Variants in DOCK1 observed in about 807,000 individuals in gnomAD.
DOCK1 encodes the protein dedicator of cytokinesis 1.
DOCK1 carries 138 observed loss-of-function variants against 262.7 expected under a neutral mutation model. That is an observed-to-expected ratio of 0.53 (90% CI 0.46 to 0.61). The LOEUF (loss-of-function observed/expected upper bound fraction) is 0.61. DOCK1 is among the 20% of genes least tolerant of loss of function. DOCK1 has a pLI of 0.00. For synonymous variants in DOCK1, 866 were observed against 867.4 expected (o/e 1.00, Z 0.03); for missense variants, 1,908 against 2,370.7 (o/e 0.80, Z 4.05).
intron 27 of DOCK1, among the ~76,000 whole-genome samples, chr10:127,147,276 C>T (rs546488913): frequency 6.6e-6 from 1 of 152,256 alleles, no homozygotes; most frequent in South Asian, 2.1e-4. Context: ...GGTTTCCCAT[C>T]CATCCTTGGG....
intron 25 of DOCK1, among the ~76,000 whole-genome samples, chr10:127,115,553 C>T (rs2049129148): frequency 6.6e-6 from 1 of 152,172 alleles, no homozygotes; most frequent in Non-Finnish European, 1.5e-5. Flanking sequence ...TTGTTGCCCA[C>T]ATAGCTGACA....
rs774357152 is a variant in DOCK1 at position 127,451,493 on chromosome 10, C to A, written c.*66C>A. 1.3e-6 allele frequency: 2 copies of A among 1,546,524 alleles called. No individual in the cohort carries two copies. The highest frequency in any genetic ancestry group is 1.7e-6 in the Non-Finnish European group (2 of 1,146,110). ...ATCTCCATGCCCTCTCCTTCTGTGT[C>A]CCCTGAGTCTGCTGTTTACCTCATT... is the stretch of plus-strand genomic sequence containing the variant. On this transcript the variant is annotated 3_prime_UTR_variant, in exon 52 of 52. Coordinates refer to ENST00000623213, the MANE Select transcript of DOCK1 (RefSeq NM_001290223.2).
At chr10:126,921,379 C>T (rs1448443928) in intron 1 of DOCK1, among the ~76,000 whole-genome samples, 1 of 152,122 alleles carries the variant, frequency 6.6e-6, no homozygotes, top group Non-Finnish European at 1.5e-5. Context: ...GAATGAAACA[C>T]CGATCATGCT....
intron 16 of DOCK1, among the ~76,000 whole-genome samples, chr10:127,029,177 C>T (rs184453226): frequency 1.1e-4 from 17 of 152,324 alleles, no homozygotes; most frequent in East Asian, 3.9e-4. Flanking sequence ...TCCGTGGCCA[C>T]AGCTTGTGGG....
chr10:126,918,613 CAG>C (rs2032793476), intron 1 of DOCK1, among the ~76,000 whole-genome samples: 1 of 152,212 alleles, frequency 6.6e-6, no homozygotes, highest in Non-Finnish European at 1.5e-5. Context: ...GTATGTTCTT[CAG>C]ATGATTTGGG....
intron 35 of DOCK1, among the ~76,000 whole-genome samples, chr10:127,377,615 G>T (rs1284325247): frequency 2.0e-5 from 3 of 151,946 alleles, no homozygotes; most frequent in African/African-American, 4.8e-5. Flanking sequence ...AACAAAAATA[G>T]GTCCGGGTGT....
chr10:127,098,586 T>C (rs374369202), intron 23 of DOCK1, among the ~76,000 whole-genome samples: 7 of 152,056 alleles, frequency 4.6e-5, no homozygotes, highest in African/African-American at 1.7e-4. Flanking sequence ...AGAAGCCCGA[T>C]AGGAAATGCT....
chr10:127,148,229 A>G (rs1318520350), intron 27 of DOCK1, among the ~76,000 whole-genome samples: 1 of 152,098 alleles, frequency 6.6e-6, no homozygotes, highest in Non-Finnish European at 1.5e-5. Context: ...CTGCAGAATT[A>G]TTAGTGTCAC....
chr10:127,250,003 C>T (rs897127915), intron 28 of DOCK1, among the ~76,000 whole-genome samples: 1 of 152,152 alleles, frequency 6.6e-6, no homozygotes. Context: ...ATAGCGAAAT[C>T]AAATTTTACA....
chr10:127,146,604 C>T (rs1222124628), intron 27 of DOCK1, among the ~76,000 whole-genome samples: 1 of 152,164 alleles, frequency 6.6e-6, no homozygotes, highest in Non-Finnish European at 1.5e-5. Flanking sequence ...ATTCCTTTCT[C>T]TCATCTTCCT....
At chr10:127,378,830 A>G (rs1425610136) in intron 35 of DOCK1, among the ~76,000 whole-genome samples, 1 of 152,210 alleles carries the variant, frequency 6.6e-6, no homozygotes, top group Non-Finnish European at 1.5e-5. Flanking sequence ...AAATATCCTC[A>G]TTACTGAGCC....
chr10:127,246,577 G>A (rs1475852711), intron 27 of DOCK1, among the ~76,000 whole-genome samples: 1 of 152,110 alleles, frequency 6.6e-6, no homozygotes, highest in African/African-American at 2.4e-5. Flanking sequence ...ACACCAACTT[G>A]GAATCTAAAT....
chr10:127,086,170 C>T (rs567375487), intron 23 of DOCK1, among the ~76,000 whole-genome samples: 133 of 133,750 alleles, frequency 9.9e-4, no homozygotes, highest in African/African-American at 3.6e-3. Context: ...CTGTTCTGTG[C>T]TGCTGTTGGA....
intron 23 of DOCK1, among the ~76,000 whole-genome samples, chr10:127,062,030 G>A (rs4751529): frequency 0.18 from 26,689 of 144,606 alleles, 2,517 homozygotes; most frequent in South Asian, 0.33. Context: ...TCTGCCTCCC[G>A]GCTTGAAGCA....
chr10:127,410,215 G>T (rs776920711), intron 42 of DOCK1, among the ~76,000 whole-genome samples: 3 of 152,136 alleles, frequency 2.0e-5, no homozygotes, highest in Non-Finnish European at 4.4e-5. Flanking sequence ...GATTGCTCTC[G>T]CAAGGCATAC....
In DOCK1 at chr10:127,032,325, G is replaced by T; in HGVS notation, c.1912+5G>T. On this transcript the variant is annotated splice_donor_5th_base_variant and intron_variant, in intron 18 of 51. Transcript: ENST00000623213. ...CCACCAAACTGACTCAGAACGGTGC[G>T]TTCGAGAGGAGAAACACACTCACCC... 6.6e-7 allele frequency: 1 copy of T among 1,520,594 alleles called. No homozygotes were observed. The highest frequency in any genetic ancestry group is 8.8e-7 in the Non-Finnish European group (1 of 1,139,148). The allele number at this position is 1,520,594 out of a possible 1,614,324, so 94.2% of individuals were successfully genotyped here.
At chr10:127,035,285 C>T (rs144718803) in intron 18 of DOCK1, among the ~76,000 whole-genome samples, 131 of 152,332 alleles carry the variant, frequency 8.6e-4, no homozygotes, top group African/African-American at 3.0e-3. Context: ...TGGTATTAAA[C>T]TTCTCTGTCC....
chr10:126,997,075 G>A (rs2040253484), intron 7 of DOCK1, among the ~76,000 whole-genome samples, 192 bp downstream of exon 7: 1 of 152,072 alleles, frequency 6.6e-6, no homozygotes, highest in African/African-American at 2.4e-5. Context: ...CATGAAAGGG[G>A]GTCGGACAGC....
rs912989182 is a variant in DOCK1, at chr10:127,100,897, G to C, written c.2446-5334G>C. On this transcript the variant is annotated intron_variant, in intron 23 of 51. Coordinates refer to ENST00000623213, the MANE Select transcript of DOCK1 (RefSeq NM_001290223.2). The surrounding 1 kb of genome is among the most constrained non-coding windows in gnomAD (Gnocchi z 5.5). ...TGGACGCAGGCCTTGCCCACACTGT[G>C]GGGTATTGTCCGATGGAGCAGAGGC... is the stretch of plus-strand genomic sequence containing the variant. Among the ~76,000 whole-genome samples, 10 of 152,134 alleles carry C rather than the reference G, an allele frequency of 6.6e-5. No homozygotes were observed. The highest frequency in any genetic ancestry group is 2.4e-4 in the African/African-American group (10 of 41,438).
Sources: gnomAD v4.1 joint callset for allele counts (sites outside exome capture counted in the v4.1 genomes callset) on GRCh38, gnomAD v4.1.1 for gene constraint, Gnocchi (gnomAD v3.1) non-coding constraint, MANE v1.5 for transcripts, NCBI Gene and HGNC (gene_info 2026-07-23, HGNC 2026-07-21) for gene names.